ATP8A2: variants seen among roughly 807,000 people sequenced by gnomAD.
ATP8A2 encodes ATPase phospholipid transporting 8A2.
Under a neutral mutation model 165.6 loss-of-function variants are expected in ATP8A2, and 100 were observed. That is an observed-to-expected ratio of 0.60 (90% CI 0.51 to 0.71). The LOEUF (loss-of-function observed/expected upper bound fraction) is 0.71, where lower values mean the gene tolerates loss of function less well. ATP8A2 is among the 30% of genes least tolerant of loss of function. The probability of loss-of-function intolerance (pLI) is 0.00; values close to 1 mark genes in which losing one functional copy is unlikely to be tolerated. For missense variants in ATP8A2, 1,227 were observed against 1,479.5 expected, an observed-to-expected ratio of 0.83 and a Z score of 2.80; for synonymous variants, 543 against 548.8, an observed-to-expected ratio of 0.99 and a Z score of 0.15.
chr13:25,443,098 A>G (rs1405757455), intron 1 of ATP8A2, among the ~76,000 whole-genome samples: 2 of 152,160 alleles, frequency 1.3e-5, no homozygotes, highest in Non-Finnish European at 2.9e-5. Flanking sequence ...CTTTTGTATC[A>G]TATCTAAGAA....
At chr13:25,735,680 A>T (rs1362931497) in intron 25 of ATP8A2, among the ~76,000 whole-genome samples, 2 of 152,180 alleles carry the variant, frequency 1.3e-5, no homozygotes, top group Non-Finnish European at 2.9e-5. Flanking sequence ...GCACCATATG[A>T]TGACATTTTG....
chr13:25,431,302 C>T (rs1350800562), intron 1 of ATP8A2, among the ~76,000 whole-genome samples: 5 of 152,140 alleles, frequency 3.3e-5, no homozygotes, highest in African/African-American at 9.7e-5. Flanking sequence ...GCATGCGCCA[C>T]GATGCCTGGC....
chr13:26,000,003 G>T (rs1183185441), intron 35 of ATP8A2, among the ~76,000 whole-genome samples: 1 of 152,172 alleles, frequency 6.6e-6, no homozygotes, highest in Non-Finnish European at 1.5e-5. Context: ...AAAGGTCTAG[G>T]TAGGTCTGGA....
chr13:25,719,964 G>A (rs1286279683), intron 25 of ATP8A2, among the ~76,000 whole-genome samples: 1 of 151,968 alleles, frequency 6.6e-6, no homozygotes, highest in African/African-American at 2.4e-5. Context: ...GTGGTATGAG[G>A]ACAGGTTTCC....
intron 24 of ATP8A2, among the ~76,000 whole-genome samples, chr13:25,674,034 T>G (rs17584845): frequency 0.019 from 2,843 of 152,316 alleles, 44 homozygotes; most frequent in South Asian, 0.051. Context: ...CTACCTGGCT[T>G]TGGTTCCACC....
chr13:25,705,659 C>T (rs894936495), intron 25 of ATP8A2, among the ~76,000 whole-genome samples: 3 of 152,148 alleles, frequency 2.0e-5, no homozygotes, highest in Non-Finnish European at 4.4e-5. Flanking sequence ...ATTTTTCTAA[C>T]TGTAAGAGTG....
At chr13:25,777,015 A>G (rs1353958106) in intron 27 of ATP8A2, among the ~76,000 whole-genome samples, 3 of 151,890 alleles carry the variant, frequency 2.0e-5, no homozygotes, top group Non-Finnish European at 2.9e-5. Context: ...GAAGAGTGCA[A>G]TTTTAGTCTG....
intron 27 of ATP8A2, among the ~76,000 whole-genome samples, chr13:25,782,248 C>T (rs1220148695): frequency 1.3e-5 from 2 of 152,228 alleles, no homozygotes; most frequent in African/African-American, 2.4e-5. Context: ...TTTCCTGTTA[C>T]AGCTTTTATT....
At chr13:25,867,217 A>G (rs1233612806) in intron 33 of ATP8A2, among the ~76,000 whole-genome samples, 2 of 151,656 alleles carry the variant, frequency 1.3e-5, no homozygotes, top group African/African-American at 2.4e-5. Flanking sequence ...TGTACACACA[A>G]TGCAAATCCC....
chr13:25,971,604 G>A (rs947824445), intron 35 of ATP8A2, among the ~76,000 whole-genome samples: 1 of 152,054 alleles, frequency 6.6e-6, no homozygotes, highest in Non-Finnish European at 1.5e-5. Context: ...CCAAAGTCTA[G>A]TGAGGTGGTA....
intron 27 of ATP8A2, among the ~76,000 whole-genome samples, chr13:25,795,793 A>G (rs1052969775): frequency 6.6e-6 from 1 of 152,332 alleles, no homozygotes; most frequent in South Asian, 2.1e-4. Flanking sequence ...AGAATACTCT[A>G]GAATTTTTTT....
chr13:25,413,433 C>G (rs1462275080), intron 1 of ATP8A2, among the ~76,000 whole-genome samples: 5 of 151,698 alleles, frequency 3.3e-5, no homozygotes, highest in African/African-American at 1.2e-4. Flanking sequence ...AGGCGCCCAC[C>G]CCCACACCTA....
chr13:25,491,915 G>C (rs929123389), intron 2 of ATP8A2, among the ~76,000 whole-genome samples: 1 of 152,122 alleles, frequency 6.6e-6, no homozygotes, highest in Non-Finnish European at 1.5e-5. Flanking sequence ...CATAAATATT[G>C]TATCAGTCTG....
At chr13:25,741,481 A>G (rs1344311570) in intron 25 of ATP8A2, among the ~76,000 whole-genome samples, 1 of 152,148 alleles carries the variant, frequency 6.6e-6, no homozygotes, top group Non-Finnish European at 1.5e-5. Context: ...CCCTGGACTC[A>G]AGTAACCCTC....
chr13:26,018,131 A>G (rs1168586659), intron 36 of ATP8A2, among the ~76,000 whole-genome samples: 1 of 152,050 alleles, frequency 6.6e-6, no homozygotes, highest in Admixed American at 6.6e-5. Context: ...GTCAACTCTC[A>G]GGCCACCTCT....
intron 34 of ATP8A2, among the ~76,000 whole-genome samples, chr13:25,965,655 C>T (rs1955760018): frequency 6.6e-6 from 1 of 152,172 alleles, no homozygotes; most frequent in South Asian, 2.1e-4. Context: ...GCCACATACC[C>T]ACTTTCATCT....
intron 30 of ATP8A2, among the ~76,000 whole-genome samples, chr13:25,857,131 C>T (rs762147129): frequency 6.6e-6 from 1 of 152,158 alleles, no homozygotes; most frequent in Non-Finnish European, 1.5e-5. Flanking sequence ...TCTCCTTTTC[C>T]TTCTCCCAGT....
In ATP8A2 at chr13:25,953,296, T is replaced by G. The variant is rs1245351848; in HGVS notation, c.3184-8279T>G. ...CTCAACTCTCTGGCTGCAGGTGCTGTGGGGAAGGGGCAGACTTAAATTTTC... is the reference window on the plus strand; with the variant it reads ...CTCAACTCTCTGGCTGCAGGTGCTGGGGGGAAGGGGCAGACTTAAATTTTC... On this transcript the variant is annotated intron_variant, in intron 33 of 36. Transcript: ENST00000381655. The surrounding 1 kb of genome is among the most constrained non-coding windows in gnomAD (Gnocchi z 6.7). Among the ~76,000 whole-genome samples the G allele has an allele frequency of 6.6e-6, 1 of 151,844 alleles. No individual in the cohort carries two copies. The highest frequency in any genetic ancestry group is 1.9e-4 in the East Asian group (1 of 5,158).
chr13:25,877,045 A>T (rs1270396242), intron 33 of ATP8A2, among the ~76,000 whole-genome samples: 3 of 152,182 alleles, frequency 2.0e-5, no homozygotes, highest in Non-Finnish European at 4.4e-5. Flanking sequence ...AAAAAAAACT[A>T]ATCCTTTTTT....
Sources: gnomAD v4.1 joint callset for allele counts (sites outside exome capture counted in the v4.1 genomes callset) on GRCh38, gnomAD v4.1.1 for gene constraint, Gnocchi (gnomAD v3.1) non-coding constraint, MANE v1.5 for transcripts, NCBI Gene and HGNC (gene_info 2026-07-23, HGNC 2026-07-21) for gene names.